USP3: variants seen among roughly 807,000 people sequenced by gnomAD.
USP3 encodes ubiquitin specific peptidase 3.
A neutral mutation model predicts 72.3 loss-of-function variants in USP3; 20 were observed. That is an observed-to-expected ratio of 0.28 (90% CI 0.19 to 0.40). The LOEUF is 0.40. Ranked by LOEUF, USP3 falls within the 10% of genes least tolerant of loss-of-function variation. The probability of loss-of-function intolerance (pLI) is 1.00; values close to 1 mark genes in which losing one functional copy is unlikely to be tolerated. For missense variants in USP3, 479 were observed against 633.9 expected (o/e 0.76, Z 2.62); for synonymous variants, 222 against 225.3 (o/e 0.99, Z 0.13).
Position 63,588,468 on chromosome 15 carries a change from T to C in USP3, c.1215+45T>C. On this transcript the variant is annotated intron_variant, in intron 12 of 14. Coordinates refer to ENST00000380324, the MANE Select transcript of USP3 (RefSeq NM_006537.4). This position sits in a 1 kb window ranked among gnomAD's most constrained non-coding sequence, Gnocchi z 4.6. Reference sequence around the variant, plus strand: ...TTATGAAGCAATTTCAATGGGAAAGTGCTTGACTGCTAAGACCATGTCTAT... The same window carrying C: ...TTATGAAGCAATTTCAATGGGAAAGCGCTTGACTGCTAAGACCATGTCTAT... The C allele has an allele frequency of 7.5e-7, 1 of 1,332,662 alleles. No homozygotes were observed. The allele number at this position is 1,332,662 out of a possible 1,614,324, so 82.6% of individuals were successfully genotyped here.
At chr15:63,530,583 G>C (rs551382783) in intron 1 of USP3, 142 of 428,604 alleles carry the variant, frequency 3.3e-4, no homozygotes, top group African/African-American at 1.3e-3. Flanking sequence ...AAAGTGTTGG[G>C]ACTACAGGCA....
rs746668093 is a variant in USP3 at position 63,529,169 on chromosome 15, A to C, written c.92-3478A>C. 2 of 683,298 alleles carry C rather than the reference A, an allele frequency of 2.9e-6. No homozygotes were observed. The highest frequency in any genetic ancestry group is 3.1e-5 in the South Asian group (2 of 64,730). The allele number at this position is 683,298 out of a possible 1,614,324, so 42.3% of individuals were successfully genotyped here. Reference sequence around the variant, plus strand: ...GCAATCACCACCACACTTGGCAGGTAGTAAAGTGGTTTTTTTTTTTTTCTT... The same window carrying C: ...GCAATCACCACCACACTTGGCAGGTCGTAAAGTGGTTTTTTTTTTTTTCTT... On this transcript the variant is annotated intron_variant, in intron 1 of 14. Coordinates refer to ENST00000380324, the MANE Select transcript of USP3 (RefSeq NM_006537.4). The surrounding 1 kb of genome is among the most constrained non-coding windows in gnomAD (Gnocchi z 4.2).
chr15:63,565,048 C>T (rs116031421), intron 8 of USP3, among the ~76,000 whole-genome samples: 1 of 151,806 alleles, frequency 6.6e-6, no homozygotes, highest in African/African-American at 2.4e-5. Context: ...TTTATAATCC[C>T]AAAGAAATTT....
At chr15:63,514,404 G>A (rs1262284954) in intron 1 of USP3, among the ~76,000 whole-genome samples, 1 of 152,152 alleles carries the variant, frequency 6.6e-6, no homozygotes, top group Non-Finnish European at 1.5e-5. Context: ...GGAGTTTGCA[G>A]GTGCCTGTTT....
intron 1 of USP3, among the ~76,000 whole-genome samples, chr15:63,515,846 G>A (rs771109761): frequency 2.0e-5 from 3 of 152,068 alleles, no homozygotes; most frequent in Non-Finnish European, 4.4e-5. Flanking sequence ...AGTCTTCCTC[G>A]CCTCCACTCT....
At chr15:63,557,732 A>G (rs2066537466) in intron 5 of USP3, among the ~76,000 whole-genome samples, 1 of 152,212 alleles carries the variant, frequency 6.6e-6, no homozygotes, top group South Asian at 2.1e-4. Context: ...CTTGGGGTGT[A>G]TATATTTATA....
chr15:63,593,707 C>T lies in USP3; in HGVS notation c.*2881C>T, dbSNP rs1028911084. The stretch of plus-strand genomic sequence containing the variant: ...CTTGAACAGCAGTGATGTAAATGTG[C>T]TTATTTGTGTTTTCATTTTTAACTG... On this transcript the variant is annotated 3_prime_UTR_variant, in exon 15 of 15. Transcript: ENST00000380324. 2 of 152,210 alleles carry T rather than the reference C, an allele frequency of 1.3e-5. No homozygotes were observed. Among genetic ancestry groups the T allele is most frequent in the African/African-American group, 4.8e-5 (2 of 41,438 alleles). The allele number at this position is 152,210 out of a possible 1,614,324, so 9.4% of individuals were successfully genotyped here.
Position 63,590,821 on chromosome 15 carries a change from C to CT in USP3, c.1561dup (p.Ter521LeufsTer24). Reference sequence around the variant, plus strand: ...CCAGGCCAAAGCTGGATCGGATAAACTTTAATACCTCCTCCAAATCATCAT... The same window carrying CT: ...CCAGGCCAAAGCTGGATCGGATAAACTTTTAATACCTCCTCCAAATCATCAT... On this transcript the variant is annotated frameshift_variant, in exon 15 of 15. Coordinates refer to ENST00000380324, the MANE Select transcript of USP3 (RefSeq NM_006537.4). LOFTEE classifies it high-confidence loss of function. 6.2e-7 allele frequency: 1 copy of CT among 1,608,654 alleles called. No individual in the cohort carries two copies. The highest frequency in any genetic ancestry group is 8.5e-7 in the Non-Finnish European group (1 of 1,177,872).
intron 1 of USP3, among the ~76,000 whole-genome samples, chr15:63,516,188 C>T (rs922476669): frequency 6.6e-6 from 1 of 152,064 alleles, no homozygotes; most frequent in African/African-American, 2.4e-5. Context: ...CTTAAATGTT[C>T]CTTTAAACCT....
At chr15:63,563,074 C>A in intron 8 of USP3, 66 bp downstream of exon 8, 1 of 1,131,948 alleles carries the variant, frequency 8.8e-7, no homozygotes, top group Non-Finnish European at 1.2e-6. Context: ...TGAAATAATT[C>A]CTAATGAAGT....
chr15:63,592,023 T>G lies in USP3; in HGVS notation c.*1197T>G, dbSNP rs368433457. ...TCGGCCTCCCGAGTAGCAATTCTCCTGCCTCAACCTCCTGAGTAGCTGGGA... is the reference window on the plus strand; with the variant it reads ...TCGGCCTCCCGAGTAGCAATTCTCCGGCCTCAACCTCCTGAGTAGCTGGGA... On this transcript the variant is annotated 3_prime_UTR_variant, in exon 15 of 15. Coordinates refer to ENST00000380324, the MANE Select transcript of USP3 (RefSeq NM_006537.4). 2 of 152,040 alleles carry G rather than the reference T, an allele frequency of 1.3e-5. No individual in the cohort carries two copies. The highest frequency in any genetic ancestry group is 2.9e-5 in the Non-Finnish European group (2 of 68,024). 9.4% of individuals were successfully genotyped at this position (152,040 alleles called of 1,614,324 possible). A position where few individuals can be genotyped will look rare whatever the true frequency, so the allele number is the denominator to read the frequency against.
Position 63,562,967 on chromosome 15 carries a change from G to C in USP3, c.720G>C (p.Glu240Asp), listed in dbSNP as rs1449937271. 1.2e-6 allele frequency: 2 copies of C among 1,612,648 alleles called. No individual in the cohort carries two copies. The highest frequency in any genetic ancestry group is 2.2e-5 in the East Asian group (1 of 44,858). ...GCAGCCAGACTGCATTTAGCCCAGA[G>C]TCCTTATTTTATGTTGTTTGGAAGA... Reference protein sequence around the residue: ...WQGSQTAFSPESLFYVVWKIM... With the variant: ...WQGSQTAFSPDSLFYVVWKIM... The change falls in exon 8 of 15, where the codon GAG (glutamate) becomes GAC (aspartate). Residue 240 changes from glutamate (E) to aspartate (D), a missense_variant. Physicochemically the swap from Glu to Asp is conservative, Grantham distance 45. Coordinates refer to ENST00000380324, the MANE Select transcript of USP3 (RefSeq NM_006537.4).
At position 63,525,154 on chromosome 15, in the gene USP3, G is replaced by A. The variant is rs529431017; in HGVS notation, c.92-7493G>A. 1.6e-4 allele frequency among the ~76,000 whole-genome samples: 24 copies of A among 152,310 alleles called. No individual in the cohort carries two copies. In the South Asian group the frequency reaches 4.6e-3, roughly 29 times the overall value. Reference sequence around the variant, plus strand: ...GTGGAAAAATTTTTCATGGGAAAGTGGAAAGGCAACCAAGATAAACTTTGC... The same window carrying A: ...GTGGAAAAATTTTTCATGGGAAAGTAGAAAGGCAACCAAGATAAACTTTGC... On this transcript the variant is annotated intron_variant, in intron 1 of 14. Coordinates refer to ENST00000380324, the MANE Select transcript of USP3 (RefSeq NM_006537.4).
In USP3 at chr15:63,588,090, T is replaced by TGTA; in HGVS notation, c.1097-214_1097-213insTAG. 1 of 398,842 alleles carries TGTA rather than the reference T, an allele frequency of 2.5e-6. No homozygotes were observed. The highest frequency in any genetic ancestry group is 4.5e-6 in the Non-Finnish European group (1 of 224,156). The allele number at this position is 398,842 out of a possible 1,614,324, so 24.7% of individuals were successfully genotyped here. The stretch of plus-strand genomic sequence containing the variant: ...ATTGATCATCACCAGATGTCAGGCA[T>TGTA]GATGCCAGGTGCTCTACACATTATT... On this transcript the variant is annotated intron_variant, in intron 11 of 14. Transcript: ENST00000380324. The surrounding 1 kb of genome is among the most constrained non-coding windows in gnomAD (Gnocchi z 4.6).
chr15:63,558,438 C>T (rs578107732), intron 6 of USP3, among the ~76,000 whole-genome samples: 10 of 152,158 alleles, frequency 6.6e-5, no homozygotes, highest in African/African-American at 1.7e-4. Flanking sequence ...TAGTTGTTTG[C>T]GGTTATTTCC....
chr15:63,536,454 GAA>G (rs11406191), intron 2 of USP3, among the ~76,000 whole-genome samples: 3 of 141,158 alleles, frequency 2.1e-5, no homozygotes, highest in East Asian at 2.2e-4. Context: ...TGGTCTGAGA[GAA>G]AAAAAAAAAA....
At chr15:63,507,895 A>G (rs1490737315) in intron 1 of USP3, among the ~76,000 whole-genome samples, 3 of 49,648 alleles carry the variant, frequency 6.0e-5, no homozygotes, top group African/African-American at 1.9e-4. Flanking sequence ...ACAAATAATA[A>G]TAGACCCACA....
In USP3 at chr15:63,537,558, A is replaced by C. The variant is rs576578296; in HGVS notation, c.284+402A>C. On this transcript the variant is annotated intron_variant, in intron 3 of 14. Coordinates refer to ENST00000380324, the MANE Select transcript of USP3 (RefSeq NM_006537.4). ...GTTAACATTTTTGTCATATAATCTTAAAAATTTTAACTGCTTTGTTTAAAA... is the reference window on the plus strand; with the variant it reads ...GTTAACATTTTTGTCATATAATCTTCAAAATTTTAACTGCTTTGTTTAAAA... Among the ~76,000 whole-genome samples the C allele has an allele frequency of 9.9e-5, 15 of 152,242 alleles. No individual in the cohort carries two copies. The East Asian group carries it at 1.7e-3, about 18-fold the overall frequency.
At chr15:63,552,969 GA>G (rs1338434025) in intron 3 of USP3, among the ~76,000 whole-genome samples, 1 of 152,082 alleles carries the variant, frequency 6.6e-6, no homozygotes, top group South Asian at 2.1e-4. Flanking sequence ...CTTATCCCAG[GA>G]AAAAATTAAA....
Sources: allele counts gnomAD v4.1 joint callset (sites outside exome capture counted in the v4.1 genomes callset), GRCh38; gene constraint gnomAD v4.1.1; non-coding constraint Gnocchi (gnomAD v3.1); transcripts MANE v1.5; gene names NCBI Gene and HGNC (gene_info 2026-07-23, HGNC 2026-07-21).